NRG1: variants seen among roughly 807,000 people sequenced by gnomAD.
NRG1 encodes the protein neuregulin 1, also known as pro-neuregulin-1, membrane-bound isoform.
NRG1 carries 18 observed loss-of-function variants against 63.8 expected under a neutral mutation model. The observed-to-expected ratio is 0.28, with a 90% confidence interval of 0.19 to 0.42. The LOEUF (loss-of-function observed/expected upper bound fraction) is 0.42, where lower values mean the gene tolerates loss of function less well. NRG1 is among the 10% of genes least tolerant of loss of function. NRG1 has a pLI of 1.00. For synonymous variants in NRG1, 302 were observed against 301.3 expected (o/e 1.00, Z -0.02); for missense variants, 762 against 814.7 (o/e 0.94, Z 0.79).
At chr8:32,058,547 C>G (rs922803496) in intron 1 of NRG1, among the ~76,000 whole-genome samples, 18 of 152,038 alleles carry the variant, frequency 1.2e-4, no homozygotes, top group African/African-American at 3.9e-4. Flanking sequence ...TTCTCACTCC[C>G]TAGTGAAGTG....
chr8:31,740,989 C>G (rs1189957096), intron 1 of NRG1, among the ~76,000 whole-genome samples: 1 of 151,960 alleles, frequency 6.6e-6, no homozygotes, highest in East Asian at 1.9e-4. Flanking sequence ...CAACAGTAGA[C>G]TGGATAAAGA....
intron 1 of NRG1, among the ~76,000 whole-genome samples, chr8:31,754,779 A>G (rs1485601916): frequency 6.6e-6 from 1 of 152,130 alleles, no homozygotes; most frequent in African/African-American, 2.4e-5. Flanking sequence ...AACTGCTCCT[A>G]TCTATTCAAA....
At chr8:32,367,717 C>A (rs1166509325) in intron 1 of NRG1, among the ~76,000 whole-genome samples, 1 of 151,910 alleles carries the variant, frequency 6.6e-6, no homozygotes, top group East Asian at 1.9e-4. Context: ...TTTTTTGTTG[C>A]TTTTGAGGTC....
At chr8:32,357,730 A>C (rs1352707616) in intron 1 of NRG1, among the ~76,000 whole-genome samples, 2 of 148,552 alleles carry the variant, frequency 1.3e-5, no homozygotes, top group African/African-American at 5.3e-5. Context: ...CTATTCACTA[A>C]AGTGTTATTA....
At chr8:32,620,401 G>C (rs1208218020) in intron 5 of NRG1, among the ~76,000 whole-genome samples, 1 of 151,956 alleles carries the variant, frequency 6.6e-6, no homozygotes, top group East Asian at 1.9e-4. Flanking sequence ...TCTGCGATTT[G>C]GGGGTCAGTG....
At chr8:32,153,324 G>T (rs1837710504) in intron 1 of NRG1, among the ~76,000 whole-genome samples, 1 of 152,248 alleles carries the variant, frequency 6.6e-6, no homozygotes, top group East Asian at 1.9e-4. Flanking sequence ...TATGCCCTTT[G>T]TGATCTGCCC....
chr8:32,542,754 G>A (rs1832699433), intron 1 of NRG1, among the ~76,000 whole-genome samples: 1 of 152,174 alleles, frequency 6.6e-6, no homozygotes, highest in African/African-American at 2.4e-5. Flanking sequence ...AGCAAAAAGT[G>A]ACTGGATTAA....
chr8:32,242,162 G>T (rs1237924847), intron 1 of NRG1, among the ~76,000 whole-genome samples: 1 of 152,106 alleles, frequency 6.6e-6, no homozygotes, highest in Non-Finnish European at 1.5e-5. Context: ...AAATTGCAGG[G>T]TTTATTGGGA....
intron 1 of NRG1, among the ~76,000 whole-genome samples, chr8:31,735,610 T>G (rs534296158): frequency 6.6e-6 from 1 of 152,292 alleles, no homozygotes; most frequent in Non-Finnish European, 1.5e-5. Flanking sequence ...TAGTTTTCAT[T>G]TTGTTGACTT....
chr8:31,874,008 T>A (rs1428412697), intron 1 of NRG1, among the ~76,000 whole-genome samples: 1 of 152,232 alleles, frequency 6.6e-6, no homozygotes, highest in Non-Finnish European at 1.5e-5. Flanking sequence ...TGTTGGAGTC[T>A]TCGATAAATA....
intron 1 of NRG1, chr8:32,029,251 TC>T (rs1159217422): frequency 6.6e-6 from 1 of 152,222 alleles, no homozygotes; most frequent in African/African-American, 2.4e-5. Flanking sequence ...TTGTGGTTTT[TC>T]CTACTAATGA....
intron 1 of NRG1, among the ~76,000 whole-genome samples, chr8:32,502,539 TCTGTTCTCTCTCTCTC>T (rs1665585059): frequency 1.3e-5 from 2 of 150,428 alleles, no homozygotes; most frequent in Admixed American, 6.7e-5. Flanking sequence ...CTCTCTCTCT[TCTGTTCTCTCTCTCTC>T]TCTTTCACTG....
At chr8:32,206,120 A>G (rs1205091621) in intron 1 of NRG1, among the ~76,000 whole-genome samples, 1 of 152,120 alleles carries the variant, frequency 6.6e-6, no homozygotes, top group Non-Finnish European at 1.5e-5. Context: ...TTCTTTAAAA[A>G]TCTAATGCAA....
Position 32,034,142 on chromosome 8 carries a change from G to C in NRG1, c.37+394711G>C, listed in dbSNP as rs544313345. Among the ~76,000 whole-genome samples the C allele has an allele frequency of 8.5e-5, 13 of 152,228 alleles. No homozygotes were observed. The East Asian group carries it at 1.4e-3, about 16-fold the overall frequency. ...ATGTTCCTTCAAAACCTAGTTTATT[G>C]AGAGTTTTTAACATGAAGGGATGTT... On this transcript the variant is annotated intron_variant, in intron 1 of 10. Coordinates refer to the NRG1 transcript ENST00000519301.
At chr8:32,228,704 CAG>C (rs1394379332) in intron 1 of NRG1, among the ~76,000 whole-genome samples, 23 of 152,086 alleles carry the variant, frequency 1.5e-4, no homozygotes. Flanking sequence ...TTTTTGATCA[CAG>C]ATAATTGAAG....
Position 32,605,531 on chromosome 8 carries a change from T to C in NRG1, c.279-31T>C, listed in dbSNP as rs1037448261. On this transcript the variant is annotated intron_variant, in intron 2 of 11. Transcript: ENST00000356819. ...ATATTTGTTGGATTTCTGTGATATA[T>C]ACTGACACCACTTTGGTCCTGATCT... 7 of 1,611,358 alleles carry C rather than the reference T, an allele frequency of 4.3e-6. No homozygotes were observed. The African/African-American group carries it at 8.0e-5, about 18-fold the overall frequency.
intron 1 of NRG1, among the ~76,000 whole-genome samples, chr8:32,148,166 T>C (rs1837104747): frequency 6.6e-6 from 1 of 152,172 alleles, no homozygotes; most frequent in Admixed American, 6.5e-5. Flanking sequence ...AATAAGCCTA[T>C]GATACTATAA....
intron 1 of NRG1, among the ~76,000 whole-genome samples, chr8:32,040,342 A>G (rs1819740767): frequency 6.6e-6 from 1 of 152,170 alleles, no homozygotes; most frequent in East Asian, 1.9e-4. Flanking sequence ...CTGAATTCAA[A>G]AATAACTTTT....
rs111644131 is a variant in NRG1, at chr8:32,748,327, A to ACG, written c.691+5606_691+5607dup. Among the ~76,000 whole-genome samples the ACG allele has an allele frequency of 4.3e-3, 509 of 118,842 alleles. 7 individuals are homozygous for ACG. Among genetic ancestry groups the ACG allele is most frequent in the African/African-American group, 0.013 (420 of 33,132 alleles). The allele number at this position is 118,842 out of a possible 152,430, so 78.0% of individuals were successfully genotyped here. On this transcript the variant is annotated intron_variant, in intron 7 of 11. Transcript: ENST00000356819. Reference sequence around the variant, plus strand: ...TGACCACACACATAGGCGCATGTACACGCGCGCGCGCGCACACACACACAC... The same window carrying ACG: ...TGACCACACACATAGGCGCATGTACACGCGCGCGCGCGCGCACACACACACAC...
Sources: gnomAD v4.1 joint callset for allele counts (sites outside exome capture counted in the v4.1 genomes callset) on GRCh38, gnomAD v4.1.1 for gene constraint, MANE v1.5 for transcripts, NCBI Gene and HGNC (gene_info 2026-07-23, HGNC 2026-07-21) for gene names.